Variants in TGM3 observed in about 807,000 individuals in gnomAD.
TGM3 encodes the protein protein-glutamine gamma-glutamyltransferase E.
A neutral mutation model predicts 73.8 loss-of-function variants in TGM3; 52 were observed. That is an observed-to-expected ratio of 0.70 (90% CI 0.56 to 0.89). The LOEUF is 0.89. TGM3 is among the 40% of genes least tolerant of loss of function. TGM3 has a pLI of 0.00. For synonymous variants in TGM3, 372 were observed against 354.9 expected (o/e 1.05, Z -0.54); for missense variants, 928 against 909.9 (o/e 1.02, Z -0.26).
chr20:2,318,965 A>G (rs1357023423), intron 7 of TGM3, among the ~76,000 whole-genome samples: 1 of 152,226 alleles, frequency 6.6e-6, no homozygotes, highest in Non-Finnish European at 1.5e-5. Context: ...AACTCACCCC[A>G]GAGTCAATGG....
intron 9 of TGM3, among the ~76,000 whole-genome samples, chr20:2,331,666 T>A (rs2084321396): frequency 6.6e-6 from 1 of 152,248 alleles, no homozygotes; most frequent in Non-Finnish European, 1.5e-5. Context: ...TATCTGTTTT[T>A]TAAGTCTCAC....
At chr20:2,317,564 A>G (rs2122228411) in intron 7 of TGM3, 79 bp downstream of exon 7, 1 of 1,577,908 alleles carries the variant, frequency 6.3e-7, no homozygotes, top group Non-Finnish European at 8.6e-7. Context: ...TCTGGGACCC[A>G]GGTCCAAACA....
chr20:2,340,288 G>T, intron 12 of TGM3, 146 bp from the exon 13 acceptor site: 1 of 1,287,100 alleles, frequency 7.8e-7, no homozygotes, highest in African/African-American at 1.5e-5. Context: ...GAGGGGCCCC[G>T]TAACCCAGAG....
At chr20:2,316,535 C>T (rs928626612) in intron 5 of TGM3, among the ~76,000 whole-genome samples, 1 of 151,654 alleles carries the variant, frequency 6.6e-6, no homozygotes, top group Non-Finnish European at 1.5e-5. Flanking sequence ...GCACTCCAGC[C>T]AGGGCGACAG....
At chr20:2,314,453 G>A (rs957148660) in intron 5 of TGM3, among the ~76,000 whole-genome samples, 10 of 152,004 alleles carry the variant, frequency 6.6e-5, no homozygotes, top group African/African-American at 2.2e-4. Flanking sequence ...AGGACTTTGG[G>A]AGGCTAAGGC....
At chr20:2,321,768 A>G (rs191881162) in intron 7 of TGM3, among the ~76,000 whole-genome samples, 1 of 152,252 alleles carries the variant, frequency 6.6e-6, no homozygotes, top group East Asian at 1.9e-4. Context: ...CACAACCAGA[A>G]ACCCACACCG....
At chr20:2,311,406 G>A (rs1041766206) in intron 4 of TGM3, among the ~76,000 whole-genome samples, 9 of 152,196 alleles carry the variant, frequency 5.9e-5, no homozygotes, top group Admixed American at 5.2e-4. Flanking sequence ...ATGCAATGAA[G>A]TAGTATTGGT....
At position 2,328,841 on chromosome 20, in the gene TGM3, G is replaced by T. The variant is rs2084304780; in HGVS notation, c.1333+476G>T. ...GAGCTTGCACTGTGCACATTTGGAG[G>T]TCTCCCAAGAAGCCAGATGAGGTGT... On this transcript the variant is annotated intron_variant, in intron 9 of 12. Coordinates refer to ENST00000381458, the MANE Select transcript of TGM3 (RefSeq NM_003245.4). The surrounding 1 kb of genome is among the most constrained non-coding windows in gnomAD (Gnocchi z 5.2). Among the ~76,000 whole-genome samples, 1 of 152,196 alleles carries T rather than the reference G, an allele frequency of 6.6e-6. No homozygotes were observed. The highest frequency in any genetic ancestry group is 1.5e-5 in the Non-Finnish European group (1 of 68,022).
Position 2,309,638 on chromosome 20 carries a change from T to A in TGM3, c.8-19T>A, listed in dbSNP as rs546637418. ...TCCCTTGCCTCCTAGGACTTCAGGT[T>A]CTCCTTTCTGCCTCACAGCTCTAGG... is the stretch of plus-strand genomic sequence containing the variant. On this transcript the variant is annotated intron_variant, in intron 1 of 12. Coordinates refer to ENST00000381458, the MANE Select transcript of TGM3 (RefSeq NM_003245.4). 1 of 1,612,578 alleles carries A rather than the reference T, an allele frequency of 6.2e-7. No homozygotes were observed. Among genetic ancestry groups the A allele is most frequent in the East Asian group, 2.2e-5 (1 of 44,854 alleles).
chr20:2,326,791 G>A (rs571960815), intron 8 of TGM3, among the ~76,000 whole-genome samples: 12 of 152,164 alleles, frequency 7.9e-5, no homozygotes, highest in African/African-American at 9.6e-5. Context: ...AGGTAAAGCC[G>A]TGAGCCGAGA....
rs1327562168 is a variant in TGM3 at position 2,334,569 on chromosome 20, C to A, written c.1643-547C>A. The stretch of plus-strand genomic sequence containing the variant: ...TTTAGCCAATACCCTGGCTTCCCTT[C>A]CTACCTATTATTGTGTTACTGTCAT... On this transcript the variant is annotated intron_variant, in intron 10 of 12. Transcript: ENST00000381458. This position sits in a 1 kb window ranked among gnomAD's most constrained non-coding sequence, Gnocchi z 4.0. Among the ~76,000 whole-genome samples, 4 of 152,072 alleles carry A rather than the reference C, an allele frequency of 2.6e-5. No individual in the cohort carries two copies. The highest frequency in any genetic ancestry group is 9.7e-5 in the African/African-American group (4 of 41,404).
chr20:2,335,179 T>A lies in TGM3; in HGVS notation c.1706T>A (p.Met569Lys). Residue 569 changes from methionine (M) to lysine (K), a missense_variant, in exon 11 of 13, where the codon ATG becomes AAG. Coordinates refer to ENST00000381458, the MANE Select transcript of TGM3 (RefSeq NM_003245.4). ...GAGAAGTACCTGAAGTCAGACAACA[T>A]GATCCGGATCACAGCGGTGTGCAAG... ...QYEKYLKSDN[M>K]IRITAVCKVP... 1 of 1,614,218 alleles carries A rather than the reference T, an allele frequency of 6.2e-7. No individual in the cohort carries two copies. The highest frequency in any genetic ancestry group is 8.5e-7 in the Non-Finnish European group (1 of 1,180,028).
At chr20:2,298,045 A>G (rs1276906816) in intron 1 of TGM3, among the ~76,000 whole-genome samples, 5 of 87,278 alleles carry the variant, frequency 5.7e-5, no homozygotes, top group Non-Finnish European at 1.4e-4. Context: ...ACAGACAATG[A>G]GTTGGACTTG....
At chr20:2,316,287 G>A (rs1387831483) in intron 5 of TGM3, among the ~76,000 whole-genome samples, 4 of 152,192 alleles carry the variant, frequency 2.6e-5, no homozygotes, top group African/African-American at 9.7e-5. Context: ...AAGTTCTAAA[G>A]TGATCTTTTT....
intron 7 of TGM3, among the ~76,000 whole-genome samples, chr20:2,317,932 T>TATATATC (rs1283669856): frequency 3.5e-5 from 5 of 142,320 alleles, no homozygotes; most frequent in African/African-American, 1.4e-4. Context: ...CATATATATA[T>TATATATC]ATATATATAT....
intron 4 of TGM3, among the ~76,000 whole-genome samples, chr20:2,311,918 G>A (rs1298403763): frequency 1.3e-5 from 2 of 152,074 alleles, no homozygotes; most frequent in African/African-American, 4.8e-5. Context: ...AGAGATCTTG[G>A]GAAAGAGCAT....
chr20:2,310,495 C>G (rs1409270785), intron 3 of TGM3, 78 bp downstream of exon 3: 2 of 1,567,562 alleles, frequency 1.3e-6, no homozygotes, highest in African/African-American at 2.7e-5. Flanking sequence ...ATGATCTTCA[C>G]AGGCTCAAGT....
chr20:2,309,871 T>G (rs1402455753), intron 2 of TGM3, 41 bp downstream of exon 2: 2 of 1,611,746 alleles, frequency 1.2e-6, no homozygotes, highest in African/African-American at 2.7e-5. Flanking sequence ...ACACACATAC[T>G]TGAGTAGCCC....
chr20:2,333,094 A>C (rs1224759382), intron 10 of TGM3, among the ~76,000 whole-genome samples: 1 of 152,206 alleles, frequency 6.6e-6, no homozygotes, highest in East Asian at 1.9e-4. Flanking sequence ...ACATTGGTAA[A>C]ATCCTTCAAG....
Sources: allele counts gnomAD v4.1 joint callset (sites outside exome capture counted in the v4.1 genomes callset), GRCh38; gene constraint gnomAD v4.1.1; non-coding constraint Gnocchi (gnomAD v3.1); transcripts MANE v1.5; gene names NCBI Gene and HGNC (gene_info 2026-07-23, HGNC 2026-07-21).